SLC24A1: variants seen among roughly 807,000 people sequenced by gnomAD.
The protein encoded by SLC24A1 is sodium/potassium/calcium exchanger 1.
SLC24A1 carries 52 observed loss-of-function variants against 88.1 expected under a neutral mutation model. The observed-to-expected ratio is 0.59, with a 90% CI of 0.47 to 0.74. The LOEUF (loss-of-function observed/expected upper bound fraction) is 0.74. Among genes scored for constraint, SLC24A1 ranks in the 30% least tolerant of loss-of-function variants. The pLI, the probability that SLC24A1 is intolerant of heterozygous loss-of-function variation, is 0.00. For missense variants in SLC24A1, 1,173 were observed against 1,363.3 expected, an observed-to-expected ratio of 0.86 and a Z score of 2.20; for synonymous variants, 455 against 498.0, an observed-to-expected ratio of 0.91 and a Z score of 1.15.
At chr15:65,611,405 A>G in exon 1 of SLC24A1, 1 of 581,624 alleles carries the variant, frequency 1.7e-6, no homozygotes, top group Admixed American at 3.0e-5. Flanking sequence ...GTCTCTCTGC[A>G]TTGCCCTGAA....
chr15:65,647,475 C>CAAA lies in SLC24A1; in HGVS notation c.2232+1794_2232+1796dup, dbSNP rs199501932. Among the ~76,000 whole-genome samples the CAAA allele has an allele frequency of 8.0e-4, 65 of 81,152 alleles. 1 individual carries two copies. The highest frequency in any genetic ancestry group is 2.5e-3 in the African/African-American group (57 of 22,626). The allele number at this position is 81,152 out of a possible 152,430, so 53.2% of individuals were successfully genotyped here. On this transcript the variant is annotated intron_variant, in intron 6 of 9. Transcript: ENST00000261892. ...CCTGGGTGACAGAGAGAGACTGTCT[C>CAAA]AAAAAAAAAAAAAAAAAAAAAAAAG...
intron 4 of SLC24A1, among the ~76,000 whole-genome samples, chr15:65,640,701 C>T (rs62014369): frequency 0.039 from 5,945 of 152,226 alleles, 135 homozygotes; most frequent in Middle Eastern, 0.068. Context: ...ATTTTCGGGG[C>T]TCAGAATTTT....
Position 65,654,721 on chromosome 15 carries a change from TTGA to T in SLC24A1, c.*643_*645del. 8.0e-7 allele frequency: 1 copy of T among 1,251,704 alleles called. No individual in the cohort carries two copies. The highest frequency in any genetic ancestry group is 1.0e-6 in the Non-Finnish European group (1 of 959,896). 77.5% of individuals were successfully genotyped at this position (1,251,704 alleles called of 1,614,324 possible). A position where few individuals can be genotyped will look rare whatever the true frequency, so the allele number is the denominator to read the frequency against. The stretch of plus-strand genomic sequence containing the variant: ...ACCAGTATTTTCTTTTTTTTTTTTT[TTGA>T]GACAGAGTTTGGCTCTTGTTGCCCA... On this transcript the variant is annotated 3_prime_UTR_variant, in exon 10 of 10. Transcript: ENST00000261892.
rs578173376 is a variant in SLC24A1, at chr15:65,623,956, G to A, written c.-125G>A. 3 of 791,086 alleles carry A rather than the reference G, an allele frequency of 3.8e-6. No individual in the cohort carries two copies. The highest frequency in any genetic ancestry group is 1.9e-5 in the South Asian group (1 of 53,934). The allele number at this position is 791,086 out of a possible 1,614,324, so 49.0% of individuals were successfully genotyped here. A position where few individuals can be genotyped will look rare whatever the true frequency, so the allele number is the denominator to read the frequency against. On this transcript the variant is annotated splice_region_variant and 5_prime_UTR_variant, in exon 2 of 10. Transcript: ENST00000261892. ...AATCTCTTTTTTTTACCCACCTAGG[G>A]TTGTGGATACCCCCTGGCTGGGCTT...
intron 3 of SLC24A1, among the ~76,000 whole-genome samples, chr15:65,638,947 G>A (rs2075030654): frequency 6.6e-6 from 1 of 152,174 alleles, no homozygotes; most frequent in South Asian, 2.1e-4. Flanking sequence ...ATCTGTGTCT[G>A]TACAGTATAG....
rs1253263961 is a variant in SLC24A1 at position 65,655,170 on chromosome 15, C to T, written c.*1091C>T. The stretch of plus-strand genomic sequence containing the variant: ...TCCTGGCTCCACCCTCCAGCATGTT[C>T]TCACCCAACAATGACAGTTGAGTGG... On this transcript the variant is annotated 3_prime_UTR_variant, in exon 10 of 10. Transcript: ENST00000261892. 1.0e-6 allele frequency: 1 copy of T among 988,166 alleles called. No homozygotes were observed. Among genetic ancestry groups the T allele is most frequent in the East Asian group, 1.1e-4 (1 of 8,828 alleles). 61.2% of individuals were successfully genotyped at this position (988,166 alleles called of 1,614,324 possible).
At position 65,653,987 on chromosome 15, in the gene SLC24A1, C is replaced by G; in HGVS notation, c.3208C>G (p.Leu1070Val). Residue 1070 changes from leucine (L) to valine (V), a missense_variant, in exon 10 of 10, where the codon CTG (leucine) becomes GTG (valine). Physicochemically the swap from Leu to Val is conservative, Grantham distance 32 (BLOSUM62 1). Coordinates refer to ENST00000261892, the MANE Select transcript of SLC24A1 (RefSeq NM_004727.3). ...ATGTAAATGGAGAATGAACAAGATC[C>G]TGGGCTTCACAATGTTCCTCCTTTA... Reference protein sequence around the residue: ...ASCKWRMNKILGFTMFLLYFV... With the variant: ...ASCKWRMNKIVGFTMFLLYFV... 1.2e-6 allele frequency: 2 copies of G among 1,613,926 alleles called. No homozygotes were observed. Among genetic ancestry groups the G allele is most frequent in the Non-Finnish European group, 1.7e-6 (2 of 1,179,820 alleles).
intron 1 of SLC24A1, among the ~76,000 whole-genome samples, chr15:65,622,531 AC>A (rs1457905881): frequency 6.6e-6 from 1 of 152,090 alleles, no homozygotes; most frequent in Non-Finnish European, 1.5e-5. Flanking sequence ...TCCATGGGTT[AC>A]TCAGCTCACT....
Position 65,655,205 on chromosome 15 carries a change from G to A in SLC24A1, c.*1126G>A, listed in dbSNP as rs967577698. 2 of 986,614 alleles carry A rather than the reference G, an allele frequency of 2.0e-6. No individual in the cohort carries two copies. The highest frequency in any genetic ancestry group is 4.7e-5 in the South Asian group (1 of 21,380). 61.1% of individuals were successfully genotyped at this position (986,614 alleles called of 1,614,324 possible). A position where few individuals can be genotyped will look rare whatever the true frequency, so the allele number is the denominator to read the frequency against. ...AATGACAGTTGAGTGGAGTGGGAAG[G>A]GAAGTCATTCTAAAGAGTCCAAAGT... On this transcript the variant is annotated 3_prime_UTR_variant, in exon 10 of 10. Transcript: ENST00000261892.
chr15:65,620,788 C>A (rs548625243), upstream of SLC24A1, among the ~76,000 whole-genome samples: 6 of 152,316 alleles, frequency 3.9e-5, no homozygotes, highest in East Asian at 1.2e-3. Context: ...GAAAAAAGAT[C>A]ACTCATTTTA....
intron 5 of SLC24A1, 96 bp from the exon 6 acceptor site, chr15:65,645,516 T>A (rs1328843214): frequency 2.3e-6 from 2 of 883,674 alleles, no homozygotes; most frequent in Non-Finnish European, 3.7e-6. Context: ...AACCCTGAAG[T>A]CCAATAGCCC....
At chr15:65,640,622 T>C (rs1343602836) in intron 4 of SLC24A1, among the ~76,000 whole-genome samples, 1 of 152,166 alleles carries the variant, frequency 6.6e-6, no homozygotes, top group African/African-American at 2.4e-5. Context: ...CTGAGCTGAA[T>C]ATGACACCAC....
chr15:65,651,612 G>T, intron 7 of SLC24A1, 58 bp from the exon 8 acceptor site: 1 of 883,124 alleles, frequency 1.1e-6, no homozygotes, highest in East Asian at 2.5e-5. Context: ...GCTCAGAAGG[G>T]CCAAAGACCT....
At chr15:65,645,789 G>A (rs971335704) in intron 6 of SLC24A1, 86 bp downstream of exon 6, 26 of 861,378 alleles carry the variant, frequency 3.0e-5, no homozygotes, top group Non-Finnish European at 4.7e-5. Context: ...CTGAAGGTCT[G>A]AAATCCTATT....
Position 65,650,810 on chromosome 15 carries a change from A to G in SLC24A1, c.2661A>G (p.Glu887=), listed in dbSNP as rs886051352. Residue 887 remains glutamate (E), a synonymous_variant, in exon 7 of 10, where the codon GAA becomes GAG. Transcript: ENST00000261892. The surrounding 1 kb of genome is among the most constrained non-coding windows in gnomAD (Gnocchi z 4.1). ...AGGAAGAGGAGGAGGAGGAGGAGGA[A>G]GAGGAGGAGAAGGGAAATGAAGAGC... ...EQEEEEEEEE[E]EEEKGNEEPL... 6.2e-7 allele frequency: 1 copy of G among 1,612,218 alleles called. No homozygotes were observed. The highest frequency in any genetic ancestry group is 8.5e-7 in the Non-Finnish European group (1 of 1,179,050).
At chr15:65,621,504 TC>T (rs1299657072), upstream of SLC24A1, among the ~76,000 whole-genome samples, 1 of 152,238 alleles carries the variant, frequency 6.6e-6, no homozygotes, top group Non-Finnish European at 1.5e-5. Context: ...ATTTTGATTC[TC>T]ACATTCACCT....
intron 9 of SLC24A1, among the ~76,000 whole-genome samples, chr15:65,653,348 T>G (rs182647170): frequency 6.6e-6 from 1 of 152,206 alleles, no homozygotes; most frequent in East Asian, 1.9e-4. Context: ...TTCCTTAAAT[T>G]TGAATTTGTG....
At chr15:65,659,180 GAGTA>G (rs1171090348), downstream of SLC24A1, 4 of 152,016 alleles carry the variant, frequency 2.6e-5, no homozygotes, top group Non-Finnish European at 4.4e-5. Flanking sequence ...ACAAAACTAA[GAGTA>G]AGAAAATAAA....
In SLC24A1 at chr15:65,655,806, A is replaced by G; in HGVS notation, c.*1727A>G. 1.0e-6 allele frequency: 1 copy of G among 985,088 alleles called. No homozygotes were observed. The highest frequency in any genetic ancestry group is 1.7e-5 in the African/African-American group (1 of 57,370). The allele number at this position is 985,088 out of a possible 1,614,324, so 61.0% of individuals were successfully genotyped here. On this transcript the variant is annotated 3_prime_UTR_variant, in exon 10 of 10. Coordinates refer to ENST00000261892, the MANE Select transcript of SLC24A1 (RefSeq NM_004727.3). ...ATTGCCTCGCTACCCCAGGATTCTC[A>G]TTCTTTGGAAATAATTTTTATTAAA...
Sources: gnomAD v4.1 joint callset for allele counts (sites outside exome capture counted in the v4.1 genomes callset) on GRCh38, gnomAD v4.1.1 for gene constraint, Gnocchi (gnomAD v3.1) non-coding constraint, MANE v1.5 for transcripts, NCBI Gene and HGNC (gene_info 2026-07-23, HGNC 2026-07-21) for gene names.